ITIH3: variants seen among roughly 807,000 people sequenced by gnomAD.
ITIH3 encodes the protein inter-alpha-trypsin inhibitor heavy chain H3.
In ITIH3, 81 loss-of-function variants were observed where a neutral mutation model predicts 96.5. That is an observed-to-expected ratio of 0.84 (90% CI 0.70 to 1.01). The LOEUF (loss-of-function observed/expected upper bound fraction) is 1.01. Ranked by LOEUF, ITIH3 falls within the 50% of genes least tolerant of loss-of-function variation. The probability of loss-of-function intolerance (pLI) is 0.00; values close to 1 mark genes in which losing one functional copy is unlikely to be tolerated. For synonymous variants in ITIH3, 422 were observed against 445.2 expected (o/e 0.95, Z 0.66); for missense variants, 1,057 against 1,139.3 (o/e 0.93, Z 1.04).
chr3:52,797,256 A>T lies in ITIH3; in HGVS notation c.538A>T (p.Lys180Ter). ...CAAGGTCCAGCCTAAGCAACTGGTC[A>T]AACACTTTGAGGTAATCAACCGCCC... ...YLKVQPKQLV[K>*]HFEIEVDIFE... The change falls in exon 5 of 22, where the codon AAA becomes TAA. Residue 180 changes from lysine (K) to a stop codon, truncating the protein, a stop_gained. Transcript: ENST00000449956. LOFTEE classifies it high-confidence loss of function. 1 of 1,604,528 alleles carries T rather than the reference A, an allele frequency of 6.2e-7. No homozygotes were observed. The highest frequency in any genetic ancestry group is 8.5e-7 in the Non-Finnish European group (1 of 1,176,120).
Position 52,799,124 on chromosome 3 carries a change from G to C in ITIH3, c.789+33G>C. The C allele has an allele frequency of 1.2e-6, 2 of 1,610,876 alleles. 1 individual carries two copies. The highest frequency in any genetic ancestry group is 1.7e-6 in the Non-Finnish European group (2 of 1,178,668). On this transcript the variant is annotated intron_variant, in intron 7 of 21. Coordinates refer to ENST00000449956, the MANE Select transcript of ITIH3 (RefSeq NM_002217.4). ...GGCTGGCTGATTCATCATCAGGGTG[G>C]GGCGAGGGCTGGTCGGGCGGGGGCT...
chr3:52,802,190 G>C, intron 11 of ITIH3, 144 bp from the exon 12 acceptor site: 1 of 805,476 alleles, frequency 1.2e-6, no homozygotes, highest in Non-Finnish European at 1.9e-6. Context: ...GGCCCCCACA[G>C]ACTGAAGGAC....
At chr3:52,808,062 C>A (rs747713408) in intron 20 of ITIH3, 48 bp from the exon 21 acceptor site, 1 of 1,588,668 alleles carries the variant, frequency 6.3e-7, no homozygotes, top group Admixed American at 1.7e-5. Flanking sequence ...GGCCACGTTA[C>A]CCGTGGCAAT....
chr3:52,797,651 C>G (rs769792452), intron 5 of ITIH3, among the ~76,000 whole-genome samples, 166 bp from the exon 6 acceptor site: 1 of 152,224 alleles, frequency 6.6e-6, no homozygotes, highest in Non-Finnish European at 1.5e-5. Context: ...TACTCTCCTC[C>G]AAGCCCCTGT....
At chr3:52,808,446 G>T in intron 21 of ITIH3, 106 bp from the exon 22 acceptor site, 2 of 1,455,728 alleles carry the variant, frequency 1.4e-6, no homozygotes, top group Non-Finnish European at 1.9e-6. Flanking sequence ...AAGAATTCTG[G>T]GCTGTTAGAA....
chr3:52,796,576 T>G lies in ITIH3; in HGVS notation c.210T>G (p.Arg70=). 1 of 1,613,570 alleles carries G rather than the reference T, an allele frequency of 6.2e-7. No homozygotes were observed. The highest frequency in any genetic ancestry group is 8.5e-7 in the Non-Finnish European group (1 of 1,179,708). Residue 70 remains arginine (R), a synonymous_variant, in exon 3 of 22, where the codon CGT becomes CGG. Coordinates refer to ENST00000449956, the MANE Select transcript of ITIH3 (RefSeq NM_002217.4). ...TTGTCACCATGAGAGCCGTCAACCG[T>G]GCAGACACGGCCAAGGAGGTTTCCT... The part of the protein sequence containing the change: ...HNVVTMRAVN[R]ADTAKEVSFD...
intron 11 of ITIH3, among the ~76,000 whole-genome samples, chr3:52,801,456 G>A (rs991774495): frequency 7.2e-5 from 11 of 152,106 alleles, no homozygotes; most frequent in Admixed American, 5.2e-4. Context: ...AGTGTATGGC[G>A]GCTGCCATAC....
intron 5 of ITIH3, 119 bp downstream of exon 5, chr3:52,797,386 T>A: frequency 9.2e-7 from 1 of 1,083,640 alleles, no homozygotes; most frequent in Non-Finnish European, 1.3e-6. Flanking sequence ...CCCCCATCCT[T>A]GGCTGGGAAG....
Position 52,796,481 on chromosome 3 carries a change from G to A in ITIH3, c.115G>A (p.Val39Met), listed in dbSNP as rs759898100. The A allele has an allele frequency of 6.2e-7, 1 of 1,611,258 alleles. No individual in the cohort carries two copies. Among genetic ancestry groups the A allele is most frequent in the East Asian group, 2.2e-5 (1 of 44,864 alleles). Reference protein sequence around the residue: ...LLGKRSLPEGVANGIEVYSTK... With the variant: ...LLGKRSLPEGMANGIEVYSTK... ...TGATTCTCCACCCACCTCCCCAAAG[G>A]TGGCCAATGGCATCGAGGTCTACAG... The change falls in exon 3 of 22, where the codon GTG (valine) becomes ATG (methionine). Residue 39 changes from valine (V) to methionine (M), a missense_variant and splice_region_variant. Transcript: ENST00000449956.
rs556793699 is a variant in ITIH3, at chr3:52,800,857, G to C, written c.1202-108G>C. The C allele has an allele frequency of 1.4e-5, 21 of 1,509,508 alleles. No individual in the cohort carries two copies. In the African/African-American group the frequency reaches 2.3e-4, roughly 17 times the overall value. The allele number at this position is 1,509,508 out of a possible 1,614,324, so 93.5% of individuals were successfully genotyped here. Reference sequence around the variant, plus strand: ...ACCTGCCCCACAAGGGCTCATGGTCGTGACTCCAGCAACTCTGCATGTGCA... The same window carrying C: ...ACCTGCCCCACAAGGGCTCATGGTCCTGACTCCAGCAACTCTGCATGTGCA... On this transcript the variant is annotated intron_variant, in intron 10 of 21. Transcript: ENST00000449956.
At chr3:52,799,629 G>A (rs965738888) in intron 8 of ITIH3, 124 bp from the exon 9 acceptor site, 48 of 1,146,306 alleles carry the variant, frequency 4.2e-5, no homozygotes, top group Admixed American at 3.5e-4. Context: ...GCCTCTGCCC[G>A]CTTCTGTGGC....
At chr3:52,796,711 C>T in intron 3 of ITIH3, 28 bp from the exon 4 acceptor site, 2 of 1,607,070 alleles carry the variant, frequency 1.2e-6, no homozygotes, top group South Asian at 1.1e-5. Context: ...AGTGTGATCT[C>T]CCTACCCCCA....
intron 13 of ITIH3, 132 bp from the exon 14 acceptor site, chr3:52,803,723 G>A: frequency 1.0e-6 from 1 of 966,972 alleles, no homozygotes; most frequent in Non-Finnish European, 1.5e-6. Context: ...GCCCAACTGG[G>A]CTGTACCCTG....
chr3:52,804,594 G>T (rs1400630892), intron 14 of ITIH3, 132 bp from the exon 15 acceptor site: 3 of 890,498 alleles, frequency 3.4e-6, no homozygotes, highest in African/African-American at 1.7e-5. Flanking sequence ...GACACCCAGT[G>T]GGGGAAGAGC....
chr3:52,808,254 C>A (rs1700128178), intron 21 of ITIH3, 33 bp downstream of exon 21: 1 of 1,545,184 alleles, frequency 6.5e-7, no homozygotes. Flanking sequence ...CTCACCTGCT[C>A]AGCAACGAGA....
intron 7 of ITIH3, 37 bp downstream of exon 7, chr3:52,799,128 G>A (rs747133000): frequency 9.3e-6 from 15 of 1,609,668 alleles, no homozygotes; most frequent in South Asian, 2.2e-5. Context: ...AGGGTGGGGC[G>A]AGGGCTGGTC....
intron 21 of ITIH3, 121 bp from the exon 22 acceptor site, chr3:52,808,431 G>A: frequency 7.1e-7 from 1 of 1,399,572 alleles, no homozygotes; most frequent in Non-Finnish European, 1.0e-6. Context: ...CTTCATTCTT[G>A]ACCAAAGAAT....
At chr3:52,800,298 A>ATCACCATGTGCTTTTCGTCT (rs1372926489) in intron 9 of ITIH3, 29 of 573,456 alleles carry the variant, frequency 5.1e-5, no homozygotes, top group Non-Finnish European at 8.6e-5. Context: ...GGCTTTCACA[A>ATCACCATGTGCTTTTCGTCT]TCACCATGTG....
chr3:52,805,766 G>A (rs200100736), intron 15 of ITIH3, 42 bp from the exon 16 acceptor site: 1 of 1,611,136 alleles, frequency 6.2e-7, no homozygotes, highest in Non-Finnish European at 8.5e-7. Context: ...GGGGGAGAAG[G>A]AACCCCTAGA....
Sources: gnomAD v4.1 joint callset for allele counts (sites outside exome capture counted in the v4.1 genomes callset) on GRCh38, gnomAD v4.1.1 for gene constraint, MANE v1.5 for transcripts, NCBI Gene and HGNC (gene_info 2026-07-23, HGNC 2026-07-21) for gene names.